The following IQCM variants were observed in gnomAD, a reference collection of about 807,000 sequenced individuals.
IQCM encodes IQ motif containing M, also known as IQ domain-containing protein M.
A neutral mutation model predicts 57.6 loss-of-function variants in IQCM; 45 were observed. The observed-to-expected ratio is 0.78, with a 90% CI of 0.62 to 1.00. The LOEUF (loss-of-function observed/expected upper bound fraction) is 1.00. Among genes scored for constraint, IQCM ranks in the 50% least tolerant of loss-of-function variants. The probability of loss-of-function intolerance (pLI) is 0.00; values close to 1 mark genes in which losing one functional copy is unlikely to be tolerated. For synonymous variants in IQCM, 148 were observed against 158.9 expected (o/e 0.93, Z 0.51); for missense variants, 468 against 511.6 (o/e 0.91, Z 0.82).
At chr4:149,709,440 T>G (rs565587553) in intron 5 of IQCM, among the ~76,000 whole-genome samples, 1 of 152,216 alleles carries the variant, frequency 6.6e-6, no homozygotes, top group South Asian at 2.1e-4. Context: ...GCATATATAC[T>G]CTTTTGAGTC....
intron 2 of IQCM, among the ~76,000 whole-genome samples, chr4:149,766,868 A>G (rs912127915): frequency 1.3e-5 from 2 of 152,106 alleles, no homozygotes; most frequent in African/African-American, 4.8e-5. Flanking sequence ...ATCATTGCAT[A>G]TAACTTTCTG....
At chr4:149,474,522 A>G (rs1196989767) in intron 12 of IQCM, among the ~76,000 whole-genome samples, 1 of 150,568 alleles carries the variant, frequency 6.6e-6, no homozygotes, top group Non-Finnish European at 1.5e-5. Flanking sequence ...AGTCTGGCCA[A>G]CATGGTGAAA....
At chr4:149,398,351 T>C (rs1296455169) in intron 13 of IQCM, among the ~76,000 whole-genome samples, 2 of 152,082 alleles carry the variant, frequency 1.3e-5, no homozygotes, top group Non-Finnish European at 2.9e-5. Context: ...TTGTGGTCTT[T>C]TGTAGTTTCA....
chr4:149,606,295 C>T (rs1185382317), intron 8 of IQCM, among the ~76,000 whole-genome samples: 1 of 152,110 alleles, frequency 6.6e-6, no homozygotes, highest in Non-Finnish European at 1.5e-5. Flanking sequence ...AGAGACTTTG[C>T]CTGGTAACCC....
intron 10 of IQCM, among the ~76,000 whole-genome samples, chr4:149,563,353 CAG>C (rs1455214541): frequency 6.6e-6 from 1 of 152,170 alleles, no homozygotes; most frequent in Non-Finnish European, 1.5e-5. Flanking sequence ...GCCTTTTGTT[CAG>C]AGTCTCCAAC....
chr4:149,563,522 G>A (rs1750327938), intron 10 of IQCM, among the ~76,000 whole-genome samples, 170 bp downstream of exon 10: 1 of 151,964 alleles, frequency 6.6e-6, no homozygotes, highest in Admixed American at 6.6e-5. Context: ...GCAGGCAGAG[G>A]TTGCAGTGAG....
At chr4:149,486,472 G>C (rs1018495592) in intron 12 of IQCM, among the ~76,000 whole-genome samples, 1 of 152,124 alleles carries the variant, frequency 6.6e-6, no homozygotes, top group Admixed American at 6.5e-5. Context: ...AGCTCGGCCA[G>C]GCACTGTGGC....
intron 12 of IQCM, among the ~76,000 whole-genome samples, chr4:149,538,411 T>C (rs1277610833): frequency 1.3e-5 from 2 of 151,946 alleles, no homozygotes; most frequent in African/African-American, 4.8e-5. Flanking sequence ...CCTGGTATGA[T>C]TATAATGGTA....
At chr4:149,637,317 A>G (rs2150107899) in intron 7 of IQCM, among the ~76,000 whole-genome samples, 1 of 152,278 alleles carries the variant, frequency 6.6e-6, no homozygotes, top group South Asian at 2.1e-4. Context: ...TTAAGGGTAA[A>G]TTTAATAAAT....
At chr4:149,790,768 G>A (rs777924877) in intron 2 of IQCM, among the ~76,000 whole-genome samples, 2 of 152,130 alleles carry the variant, frequency 1.3e-5, no homozygotes, top group Non-Finnish European at 2.9e-5. Context: ...CTGTGAAATA[G>A]CGACAGAGGA....
intron 2 of IQCM, among the ~76,000 whole-genome samples, chr4:149,768,914 T>C (rs1044475478): frequency 6.6e-6 from 1 of 152,104 alleles, no homozygotes; most frequent in African/African-American, 2.4e-5. Context: ...CTTTGTGGCA[T>C]ACTAAATTTA....
intron 9 of IQCM, among the ~76,000 whole-genome samples, chr4:149,582,761 C>T (rs1752326569): frequency 6.6e-6 from 1 of 151,574 alleles, no homozygotes; most frequent in Admixed American, 6.6e-5. Context: ...AGGATAGGCA[C>T]TGACCCAGAA....
intron 5 of IQCM, among the ~76,000 whole-genome samples, chr4:149,692,590 G>A (rs1763022300): frequency 6.6e-6 from 1 of 152,096 alleles, no homozygotes; most frequent in African/African-American, 2.4e-5. Flanking sequence ...TATTAGGACT[G>A]CATCCAACAT....
chr4:149,567,826 C>T (rs1024569143), intron 9 of IQCM, among the ~76,000 whole-genome samples: 1 of 151,958 alleles, frequency 6.6e-6, no homozygotes, highest in East Asian at 1.9e-4. Context: ...AATGTTATAA[C>T]AATTTTATTT....
At chr4:149,582,323 T>C (rs1579574842) in intron 9 of IQCM, among the ~76,000 whole-genome samples, 2 of 8,354 alleles carry the variant, frequency 2.4e-4, no homozygotes, top group African/African-American at 8.0e-4. Context: ...TATATATATA[T>C]ATATATATAT....
Position 149,659,305 on chromosome 4 carries a change from A to C in IQCM, c.565+22813T>G, listed in dbSNP as rs547237874. On this transcript the variant is annotated intron_variant, in intron 7 of 13. Coordinates refer to ENST00000636793, the MANE Select transcript of IQCM (RefSeq NM_001363507.2). The stretch of plus-strand genomic sequence containing the variant: ...CGTGAAGGACCCCTTCAAGAACTAC[A>C]AACCACCGCTCAATGAAATAAAAGA... Among the ~76,000 whole-genome samples, 290 of 152,218 alleles carry C rather than the reference A, an allele frequency of 1.9e-3. 2 individuals carry two copies. Among genetic ancestry groups the C allele is most frequent in the Non-Finnish European group, 3.1e-3 (208 of 68,000 alleles).
chr4:149,502,010 T>G (rs890468318), intron 12 of IQCM, among the ~76,000 whole-genome samples: 3 of 152,176 alleles, frequency 2.0e-5, no homozygotes, highest in African/African-American at 7.2e-5. Context: ...CGATTCACCT[T>G]AGGCTCATAC....
Position 149,582,352 on chromosome 4 carries a change from A to T in IQCM, c.749+5578T>A, listed in dbSNP as rs1421210698. 5.1e-5 allele frequency among the ~76,000 whole-genome samples: 2 copies of T among 39,370 alleles called. 1 individual carries two copies. The highest frequency in any genetic ancestry group is 1.6e-4 in the African/African-American group (2 of 12,390). 25.8% of individuals were successfully genotyped at this position (39,370 alleles called of 152,430 possible). A position where few individuals can be genotyped will look rare whatever the true frequency, so the allele number is the denominator to read the frequency against. On this transcript the variant is annotated intron_variant, in intron 9 of 13. Coordinates refer to ENST00000636793, the MANE Select transcript of IQCM (RefSeq NM_001363507.2). The stretch of plus-strand genomic sequence containing the variant: ...TATATATATATATATATATATATAT[A>T]TATATATATATATATATTTAGTTGA...
intron 13 of IQCM, among the ~76,000 whole-genome samples, chr4:149,415,583 G>A (rs747560497): frequency 2.0e-5 from 3 of 151,910 alleles, no homozygotes; most frequent in Non-Finnish European, 4.4e-5. Context: ...AATAGGCAGA[G>A]TATTTTTCTA....
Sources: gnomAD v4.1 joint callset for allele counts (sites outside exome capture counted in the v4.1 genomes callset) on GRCh38, gnomAD v4.1.1 for gene constraint, MANE v1.5 for transcripts, NCBI Gene and HGNC (gene_info 2026-07-23, HGNC 2026-07-21) for gene names.